ZC3H18: variants seen among roughly 807,000 people sequenced by gnomAD.
The protein encoded by ZC3H18 is zinc finger CCCH domain-containing protein 18.
A neutral mutation model predicts 106.1 loss-of-function variants in ZC3H18; 8 were observed. The observed-to-expected ratio is 0.08, with a 90% confidence interval of 0.04 to 0.14. The LOEUF (loss-of-function observed/expected upper bound fraction) is 0.14. Ranked by LOEUF, ZC3H18 falls within the 10% of genes least tolerant of loss-of-function variation. ZC3H18 has a pLI of 1.00. For synonymous variants in ZC3H18, 635 were observed against 522.1 expected, an observed-to-expected ratio of 1.22 and a Z score of -2.95; for missense variants, 1,318 against 1,278.4, an observed-to-expected ratio of 1.03 and a Z score of -0.47.
chr16:88,587,235 A>ATTCT (rs1915491578), intron 3 of ZC3H18, among the ~76,000 whole-genome samples: 1 of 152,202 alleles, frequency 6.6e-6, no homozygotes, highest in Admixed American at 6.5e-5. Flanking sequence ...AAGTGTCAGA[A>ATTCT]AAGTCTGGGC....
chr16:88,625,414 G>A (rs1487703489), intron 13 of ZC3H18, 147 bp downstream of exon 13: 11 of 949,868 alleles, frequency 1.2e-5, no homozygotes, highest in Admixed American at 4.8e-5. Context: ...GGAAGGCTGC[G>A]GTTGAAGCTT....
intron 3 of ZC3H18, among the ~76,000 whole-genome samples, chr16:88,590,227 C>T (rs746542457): frequency 6.6e-6 from 1 of 152,196 alleles, no homozygotes; most frequent in Non-Finnish European, 1.5e-5. Context: ...ATGGGGATGA[C>T]AGGCATGAGC....
rs1286823067 is a variant in ZC3H18, at chr16:88,623,812, A to T, written c.1794-146A>T. On this transcript the variant is annotated intron_variant, in intron 10 of 17. Transcript: ENST00000301011. The stretch of plus-strand genomic sequence containing the variant: ...TGGGCCTGTGTTTTTAGCAGATGAC[A>T]GAACAGTCCAGAACTGAAGTTAAAA... 3 of 1,386,738 alleles carry T rather than the reference A, an allele frequency of 2.2e-6. No individual in the cohort carries two copies. The East Asian group carries it at 7.7e-5, about 36-fold the overall frequency. The allele number at this position is 1,386,738 out of a possible 1,614,324, so 85.9% of individuals were successfully genotyped here. A position where few individuals can be genotyped will look rare whatever the true frequency, so the allele number is the denominator to read the frequency against.
At chr16:88,596,678 A>T (rs146474351) in intron 3 of ZC3H18, among the ~76,000 whole-genome samples, 16 of 152,222 alleles carry the variant, frequency 1.1e-4, no homozygotes, top group African/African-American at 3.9e-4. Context: ...GAGTACAGAA[A>T]AGCTGTGGTT....
chr16:88,585,795 G>T (rs1915398318), intron 2 of ZC3H18, among the ~76,000 whole-genome samples: 1 of 152,032 alleles, frequency 6.6e-6, no homozygotes, highest in South Asian at 2.1e-4. Flanking sequence ...ATGGGGAGGG[G>T]GATCAAGAGG....
chr16:88,595,082 C>T lies in ZC3H18; in HGVS notation c.689-3096C>T, dbSNP rs554080905. ...AGGAGAATCACTTGAACCTGGGAGG[C>T]GGAGGTTGCAGTGAGCTGAGATTGT... is the stretch of plus-strand genomic sequence containing the variant. On this transcript the variant is annotated intron_variant, in intron 3 of 17. Transcript: ENST00000301011. 8.9e-4 allele frequency among the ~76,000 whole-genome samples: 135 copies of T among 152,122 alleles called. 2 individuals are homozygous for T. The highest frequency in any genetic ancestry group is 3.1e-3 in the African/African-American group (128 of 41,494).
chr16:88,574,832 T>C (rs1304741696), intron 1 of ZC3H18, among the ~76,000 whole-genome samples: 1 of 137,642 alleles, frequency 7.3e-6, no homozygotes, highest in African/African-American at 2.6e-5. Context: ...CTAATGTATC[T>C]TTTTTTTTTT....
intron 6 of ZC3H18, among the ~76,000 whole-genome samples, chr16:88,601,643 A>G (rs7199004): frequency 0.38 from 58,080 of 151,962 alleles, 11,573 homozygotes; most frequent in East Asian, 0.54. Flanking sequence ...GCCGGTATCT[A>G]CACTGCAGGA....
At chr16:88,578,632 C>T (rs924150800) in intron 2 of ZC3H18, among the ~76,000 whole-genome samples, 1 of 151,954 alleles carries the variant, frequency 6.6e-6, no homozygotes, top group African/African-American at 2.4e-5. Flanking sequence ...ATGTCATGCT[C>T]TGGGTTGAGG....
In ZC3H18 at chr16:88,598,298, C is replaced by T; in HGVS notation, c.809C>T (p.Pro270Leu). 1 of 1,605,962 alleles carries T rather than the reference C, an allele frequency of 6.2e-7. No homozygotes were observed. The change falls in exon 4 of 18, where the codon CCT becomes CTT. Residue 270 changes from proline to leucine, a missense_variant. This residue lies in a region of ZC3H18 where 78 missense variants were observed against 67.3 expected (regional missense o/e 1.16). Coordinates refer to ENST00000301011, the MANE Select transcript of ZC3H18 (RefSeq NM_144604.4). Reference protein sequence around the residue: ...FPPNGAPPLGPHPLMPANPWG... With the variant: ...FPPNGAPPLGLHPLMPANPWG... ...CCTAATGGTGCCCCGCCTCTCGGAC[C>T]TCACCCGCTGATGCCCGCCAACCCT...
At chr16:88,614,001 C>T (rs972597072) in intron 8 of ZC3H18, among the ~76,000 whole-genome samples, 4 of 152,186 alleles carry the variant, frequency 2.6e-5, no homozygotes, top group South Asian at 4.1e-4. Flanking sequence ...TCACCGTCCC[C>T]GTGGGGGTGA....
chr16:88,573,231 G>A (rs577885449), intron 1 of ZC3H18, among the ~76,000 whole-genome samples: 9 of 152,174 alleles, frequency 5.9e-5, no homozygotes, highest in South Asian at 2.1e-4. Flanking sequence ...GGCACCAGGC[G>A]CTCCGCTTAG....
chr16:88,594,401 C>G (rs1904328581), intron 3 of ZC3H18, among the ~76,000 whole-genome samples: 1 of 152,148 alleles, frequency 6.6e-6, no homozygotes, highest in Admixed American at 6.5e-5. Flanking sequence ...TTACTGTATT[C>G]AAAATCAGAA....
At chr16:88,607,442 T>G (rs576839195) in intron 6 of ZC3H18, among the ~76,000 whole-genome samples, 53 of 152,372 alleles carry the variant, frequency 3.5e-4, no homozygotes, top group South Asian at 6.2e-4. Context: ...GGGATTGTGT[T>G]AAATTTATCA....
intron 10 of ZC3H18, chr16:88,623,617 G>A: frequency 1.7e-6 from 1 of 580,084 alleles, no homozygotes; most frequent in Non-Finnish European, 3.0e-6. Flanking sequence ...ACAGGCCGAG[G>A]AAGGGGCCAG....
At position 88,586,591 on chromosome 16, in the gene ZC3H18, C is replaced by G. The variant is rs557530627; in HGVS notation, c.604-9C>G. 35 of 1,613,792 alleles carry G rather than the reference C, an allele frequency of 2.2e-5. No homozygotes were observed. In the East Asian group the frequency reaches 6.9e-4, roughly 32 times the overall value. On this transcript the variant is annotated splice_polypyrimidine_tract_variant and intron_variant, in intron 2 of 17. Transcript: ENST00000301011. ...CTCCCCCACGCTAAGACGGTGTTCT[C>G]TGTTTCAGGATGATGACCTGGAAGA...
At chr16:88,605,887 A>G (rs1904987974) in intron 6 of ZC3H18, among the ~76,000 whole-genome samples, 1 of 152,218 alleles carries the variant, frequency 6.6e-6, no homozygotes, top group Non-Finnish European at 1.5e-5. Context: ...CTTAGCCAGG[A>G]CCTCGGGTTC....
In ZC3H18 at chr16:88,631,148, G is replaced by A. The variant is rs1038253830; in HGVS notation, c.2711G>A (p.Ser904Asn). 1.2e-6 allele frequency: 2 copies of A among 1,613,348 alleles called. No individual in the cohort carries two copies. The highest frequency in any genetic ancestry group is 1.7e-6 in the Non-Finnish European group (2 of 1,180,032). The change falls in exon 18 of 18, where the codon AGC becomes AAC. Residue 904 changes from serine (S) to asparagine (N), a missense_variant. Ser to Asn is a conservative substitution (Grantham distance 46). Around this residue, in one of 6 missense-constraint regions of ZC3H18, gnomAD observed 848 missense variants for 821.7 expected, o/e 1.03. Coordinates refer to ENST00000301011, the MANE Select transcript of ZC3H18 (RefSeq NM_144604.4). The stretch of plus-strand genomic sequence containing the variant: ...TCCAAGAGCTCCAGCAAGGTCACGA[G>A]CGTGCCCGGCAAAGCCTCGGATCCC... ...PQSKSSSKVT[S>N]VPGKASDPGA...
At chr16:88,610,822 G>T (rs12445653) in intron 7 of ZC3H18, among the ~76,000 whole-genome samples, 31 of 152,096 alleles carry the variant, frequency 2.0e-4, no homozygotes, top group Non-Finnish European at 3.8e-4. Context: ...TGGAACTCCC[G>T]TCTCTGGATG....
Sources: gnomAD v4.1 joint callset for allele counts (sites outside exome capture counted in the v4.1 genomes callset) on GRCh38, gnomAD v4.1.1 for gene constraint, gnomAD v4.1.1 regional missense constraint, MANE v1.5 for transcripts, NCBI Gene and HGNC (gene_info 2026-07-23, HGNC 2026-07-21) for gene names.